The following CDS1 variants were observed in gnomAD, a reference collection of about 807,000 sequenced individuals.
CDS1 encodes the protein phosphatidate cytidylyltransferase 1.
In CDS1, 41 loss-of-function variants were observed where a neutral mutation model predicts 62.1. The observed-to-expected ratio is 0.66, with a 90% CI of 0.51 to 0.86. CDS1 has a LOEUF of 0.86. CDS1 is among the 40% of genes least tolerant of loss of function. The probability of loss-of-function intolerance (pLI) is 0.00; values close to 1 mark genes in which losing one functional copy is unlikely to be tolerated. For synonymous variants in CDS1, 185 were observed against 192.6 expected, an observed-to-expected ratio of 0.96 and a Z score of 0.32; for missense variants, 470 against 550.1, an observed-to-expected ratio of 0.85 and a Z score of 1.46.
At chr4:84,608,234 C>T (rs969681364) in intron 2 of CDS1, among the ~76,000 whole-genome samples, 12 of 152,190 alleles carry the variant, frequency 7.9e-5, no homozygotes, top group African/African-American at 2.4e-4. Flanking sequence ...AGTGCAGTGG[C>T]GCGATCTTGG....
intron 5 of CDS1, among the ~76,000 whole-genome samples, chr4:84,626,920 A>C (rs1723880727): frequency 6.6e-6 from 1 of 152,220 alleles, no homozygotes; most frequent in South Asian, 2.1e-4. Context: ...TTGAGGCCTT[A>C]GTGGCTACTC....
At chr4:84,624,868 CT>C (rs35000359) in intron 5 of CDS1, among the ~76,000 whole-genome samples, 70,344 of 150,028 alleles carry the variant, frequency 0.47, 17,710 homozygotes, top group South Asian at 0.66. Flanking sequence ...AATGTTGTGT[CT>C]TTTTTTTTTG....
chr4:84,585,868 G>A (rs3804184), intron 1 of CDS1, among the ~76,000 whole-genome samples: 6,399 of 152,262 alleles, frequency 0.042, 175 homozygotes, highest in South Asian at 0.076. Context: ...AACCCTGCAG[G>A]AGACATATAT....
intron 11 of CDS1, 27 bp from the exon 12 acceptor site, chr4:84,645,195 T>A: frequency 3.4e-6 from 5 of 1,471,654 alleles, no homozygotes; most frequent in Non-Finnish European, 4.8e-6. Context: ...TTTGAAAATT[T>A]GCTAATATAT....
chr4:84,635,561 A>G lies in CDS1; in HGVS notation c.810+210A>G, dbSNP rs1005684492. 4.2e-5 allele frequency among the ~76,000 whole-genome samples: 6 copies of G among 141,290 alleles called. No homozygotes were observed. The South Asian group carries it at 1.4e-3, about 32-fold the overall frequency. 92.7% of individuals were successfully genotyped at this position (141,290 alleles called of 152,430 possible). On this transcript the variant is annotated intron_variant, in intron 8 of 12. Coordinates refer to ENST00000295887, the MANE Select transcript of CDS1 (RefSeq NM_001263.4). ...CTTCTGTTGGCTCCTCAGGAAGGGC[A>G]TGACTCCATCAGTCTGCCTGCCTGC...
At chr4:84,595,109 T>C (rs938393189) in intron 1 of CDS1, among the ~76,000 whole-genome samples, 1 of 152,152 alleles carries the variant, frequency 6.6e-6, no homozygotes, top group African/African-American at 2.4e-5. Context: ...CAAGCTGTCA[T>C]ATCAAAGCTG....
chr4:84,641,016 TGG>T, intron 10 of CDS1, 26 bp downstream of exon 10: 1 of 1,418,280 alleles, frequency 7.1e-7, no homozygotes, highest in Non-Finnish European at 9.4e-7. Flanking sequence ...AAGATAAACA[TGG>T]TTAGAGATCT....
At chr4:84,624,295 A>C (rs35023321) in intron 5 of CDS1, among the ~76,000 whole-genome samples, 10,823 of 148,380 alleles carry the variant, frequency 0.073, 615 homozygotes, top group African/African-American at 0.15. Context: ...AACAAACAAA[A>C]AAAAAAAAAC....
rs543685824 is a variant in CDS1, at chr4:84,646,746, T to C, written c.1256+1421T>C. On this transcript the variant is annotated intron_variant, in intron 12 of 12. Transcript: ENST00000295887. ...TGGGCAAAGGTGTATTCTGTAGTTT[T>C]GGGTTGTAGTTTTGTCTGTGTCAGT... Among the ~76,000 whole-genome samples the C allele has an allele frequency of 1.5e-4, 23 of 152,306 alleles. No individual in the cohort carries two copies. The South Asian group carries it at 4.3e-3, about 29-fold the overall frequency.
At chr4:84,615,310 T>C (rs888936545) in intron 3 of CDS1, among the ~76,000 whole-genome samples, 1 of 152,008 alleles carries the variant, frequency 6.6e-6, no homozygotes, top group Non-Finnish European at 1.5e-5. Flanking sequence ...GCATCTTGCC[T>C]CCTGACTGCC....
intron 5 of CDS1, among the ~76,000 whole-genome samples, chr4:84,627,473 G>A (rs1395262857): frequency 6.6e-6 from 1 of 152,072 alleles, no homozygotes; most frequent in African/African-American, 2.4e-5. Context: ...TTTGGAATTG[G>A]GGCTCTTTAG....
intron 10 of CDS1, among the ~76,000 whole-genome samples, chr4:84,642,150 A>AACCCATGT (rs1204196873): frequency 1.3e-5 from 2 of 152,134 alleles, no homozygotes; most frequent in African/African-American, 4.8e-5. Context: ...CAAAAGGTGA[A>AACCCATGT]ACCCATGTCT....
intron 1 of CDS1, among the ~76,000 whole-genome samples, chr4:84,598,254 C>T (rs1264500045): frequency 1.3e-5 from 2 of 152,002 alleles, no homozygotes; most frequent in Non-Finnish European, 2.9e-5. Flanking sequence ...AAAAGGCTGC[C>T]TCCTTTCAGG....
At chr4:84,626,128 TTC>T (rs1287502476) in intron 5 of CDS1, among the ~76,000 whole-genome samples, 1 of 151,936 alleles carries the variant, frequency 6.6e-6, no homozygotes, top group Non-Finnish European at 1.5e-5. Flanking sequence ...GATCATGCCA[TTC>T]CACTCCAGCC....
In CDS1 at chr4:84,645,305, G is replaced by A; in HGVS notation, c.1236G>A (p.Val412=). 1 of 1,600,364 alleles carries A rather than the reference G, an allele frequency of 6.2e-7. No homozygotes were observed. The highest frequency in any genetic ancestry group is 8.6e-7 in the Non-Finnish European group (1 of 1,167,882). ...ATTTGATGGCAACTTTTGTACATGT[G>A]TACATCACAAGTTTTATAAGGTACT... ...CQYLMATFVH[V]YITSFIRGPN... The change falls in exon 12 of 13, where the codon GTG becomes GTA. Residue 412 remains valine (V), a synonymous_variant. Coordinates refer to ENST00000295887, the MANE Select transcript of CDS1 (RefSeq NM_001263.4).
intron 4 of CDS1, among the ~76,000 whole-genome samples, chr4:84,618,128 C>A (rs1362512705): frequency 6.6e-6 from 1 of 151,984 alleles, no homozygotes; most frequent in Non-Finnish European, 1.5e-5. Flanking sequence ...AATTTTATAT[C>A]TTTTAAAACT....
chr4:84,619,090 T>A (rs1282582100), intron 4 of CDS1, among the ~76,000 whole-genome samples: 2 of 117,784 alleles, frequency 1.7e-5, no homozygotes, highest in African/African-American at 2.8e-5. Context: ...CACACACTGC[T>A]CCCGCCTCCC....
chr4:84,594,301 A>G (rs950576088), intron 1 of CDS1, among the ~76,000 whole-genome samples: 2 of 152,186 alleles, frequency 1.3e-5, no homozygotes, highest in Non-Finnish European at 2.9e-5. Flanking sequence ...GGTGCTGGCC[A>G]CGCAAGTTCT....
chr4:84,642,613 T>A (rs1724420088), intron 10 of CDS1, among the ~76,000 whole-genome samples: 1 of 152,196 alleles, frequency 6.6e-6, no homozygotes, highest in African/African-American at 2.4e-5. Flanking sequence ...AACTTTTCCC[T>A]TATTTTATCA....
Sources: allele counts gnomAD v4.1 joint callset (sites outside exome capture counted in the v4.1 genomes callset), GRCh38; gene constraint gnomAD v4.1.1; transcripts MANE v1.5; gene names NCBI Gene and HGNC (gene_info 2026-07-23, HGNC 2026-07-21).